Variants in TENM4 observed in about 807,000 individuals in gnomAD.
TENM4 encodes the protein teneurin-4.
A neutral mutation model predicts 243.3 loss-of-function variants in TENM4; 82 were observed. The ratio of observed to expected loss-of-function variants is 0.34; its 90% CI spans 0.28 to 0.40. TENM4 has a LOEUF of 0.40. TENM4 is among the 10% of genes least tolerant of loss of function. The pLI, the probability that TENM4 is intolerant of heterozygous loss-of-function variation, is 1.00. For missense variants in TENM4, 3,138 were observed against 3,673.3 expected (o/e 0.85, Z 3.77); for synonymous variants, 1,412 against 1,456.3 (o/e 0.97, Z 0.69).
At chr11:79,139,030 T>A (rs1427547218) in intron 4 of TENM4, among the ~76,000 whole-genome samples, 2 of 35,268 alleles carry the variant, frequency 5.7e-5, no homozygotes, top group African/African-American at 1.8e-4. Flanking sequence ...AAATATATAT[T>A]ATATTTCTAT....
At chr11:79,270,295 G>T (rs1855947952) in intron 2 of TENM4, among the ~76,000 whole-genome samples, 1 of 152,180 alleles carries the variant, frequency 6.6e-6, no homozygotes, top group African/African-American at 2.4e-5. Context: ...CATCCAAAAT[G>T]ATCCCCAGTG....
At chr11:79,308,427 G>A (rs940299810) in intron 1 of TENM4, among the ~76,000 whole-genome samples, 5 of 152,054 alleles carry the variant, frequency 3.3e-5, no homozygotes, top group Admixed American at 1.3e-4. Context: ...AGGTAGTGAT[G>A]AGTGTAAGTG....
chr11:79,297,121 G>A lies in TENM4; in HGVS notation c.-265+367C>T, dbSNP rs80028888. ...TAGTCCAGAGCTCTCTGTTCTTGAC[G>A]TACCAAACAGTTGGGTCTATTGAAG... On this transcript the variant is annotated intron_variant, in intron 2 of 33. Coordinates refer to ENST00000278550, the MANE Select transcript of TENM4 (RefSeq NM_001098816.3). Among the ~76,000 whole-genome samples the A allele has an allele frequency of 3.7e-3, 560 of 152,304 alleles. 5 individuals carry two copies. The highest frequency in any genetic ancestry group is 0.013 in the African/African-American group (536 of 41,568).
chr11:79,246,406 G>A (rs1855515643), intron 2 of TENM4, among the ~76,000 whole-genome samples: 1 of 152,224 alleles, frequency 6.6e-6, no homozygotes, highest in Admixed American at 6.5e-5. Context: ...GAGATACCAG[G>A]CCTATGAACC....
intron 26 of TENM4, 64 bp downstream of exon 26, chr11:78,712,418 T>C: frequency 2.0e-6 from 3 of 1,527,164 alleles, no homozygotes; most frequent in Non-Finnish European, 2.7e-6. Context: ...ATCATGCATG[T>C]TTTTCTGAAA....
At chr11:79,153,618 G>T (rs955887963) in intron 3 of TENM4, among the ~76,000 whole-genome samples, 3 of 152,204 alleles carry the variant, frequency 2.0e-5, no homozygotes, top group Non-Finnish European at 2.9e-5. Context: ...GCCAGGCAGT[G>T]TGGGAAACCG....
chr11:79,362,317 A>G (rs931178963), intron 1 of TENM4, among the ~76,000 whole-genome samples: 1 of 152,228 alleles, frequency 6.6e-6, no homozygotes, highest in Non-Finnish European at 1.5e-5. Context: ...CAGAGGGGGA[A>G]ATAATACCTG....
chr11:79,365,699 A>T (rs773237344), intron 1 of TENM4, among the ~76,000 whole-genome samples: 28 of 152,188 alleles, frequency 1.8e-4, no homozygotes, highest in Non-Finnish European at 3.2e-4. Flanking sequence ...GTGTTCTACC[A>T]TGACAGCAAC....
At chr11:78,941,609 G>T (rs868242810) in intron 6 of TENM4, among the ~76,000 whole-genome samples, 4 of 152,174 alleles carry the variant, frequency 2.6e-5, no homozygotes, top group Non-Finnish European at 5.9e-5. Flanking sequence ...GGTGGGGTTG[G>T]GGGGGTGTCC....
chr11:79,364,603 A>G (rs1857645233), intron 1 of TENM4, among the ~76,000 whole-genome samples: 1 of 152,266 alleles, frequency 6.6e-6, no homozygotes, highest in Non-Finnish European at 1.5e-5. Context: ...AATAATGAGC[A>G]CTTATTAAAC....
At chr11:79,070,821 G>T (rs1860395723) in intron 4 of TENM4, among the ~76,000 whole-genome samples, 1 of 152,154 alleles carries the variant, frequency 6.6e-6, no homozygotes, top group Non-Finnish European at 1.5e-5. Flanking sequence ...GATCTGTTTG[G>T]CTCTAAAGCC....
At chr11:79,364,301 A>AC (rs927309905) in intron 1 of TENM4, among the ~76,000 whole-genome samples, 1 of 151,668 alleles carries the variant, frequency 6.6e-6, no homozygotes, top group Non-Finnish European at 1.5e-5. Flanking sequence ...AAATCTCAGC[A>AC]CCCCCCGGCC....
intron 1 of TENM4, among the ~76,000 whole-genome samples, chr11:79,439,663 CCACA>C (rs141828517): frequency 0.082 from 12,069 of 146,752 alleles, 521 homozygotes; most frequent in East Asian, 0.12. Context: ...GTGTGTGTGT[CCACA>C]CACACACACA....
chr11:78,878,917 T>C (rs781683825), intron 9 of TENM4, among the ~76,000 whole-genome samples: 17 of 152,240 alleles, frequency 1.1e-4, no homozygotes, highest in Non-Finnish European at 1.6e-4. Context: ...GATACAGTAA[T>C]AGCACAAATA....
At chr11:78,801,512 T>C (rs541591843) in intron 15 of TENM4, among the ~76,000 whole-genome samples, 183 of 152,300 alleles carry the variant, frequency 1.2e-3, no homozygotes, top group Non-Finnish European at 2.3e-3. Context: ...TAAACACTTG[T>C]ATAAAATCTG....
chr11:79,164,949 A>ATG (rs1862877478), intron 3 of TENM4, among the ~76,000 whole-genome samples: 1 of 57,396 alleles, frequency 1.7e-5, no homozygotes, highest in East Asian at 7.7e-4. Context: ...GACTAATACT[A>ATG]TATATATATG....
chr11:78,904,226 G>A (rs1259508578), intron 6 of TENM4, among the ~76,000 whole-genome samples: 1 of 151,804 alleles, frequency 6.6e-6, no homozygotes. Context: ...CGGGCGTGGT[G>A]GCGGGCGCCT....
chr11:79,071,939 G>A (rs562566725), intron 4 of TENM4, among the ~76,000 whole-genome samples: 4 of 152,220 alleles, frequency 2.6e-5, no homozygotes, highest in East Asian at 1.9e-4. Flanking sequence ...TTTGGTTCCC[G>A]ATTCTCAAAA....
intron 6 of TENM4, among the ~76,000 whole-genome samples, chr11:79,060,381 G>A (rs1591250221): frequency 1.3e-5 from 2 of 152,194 alleles, no homozygotes; most frequent in South Asian, 2.1e-4. Flanking sequence ...TGTCTTTAAT[G>A]GACCCCATAA....
Sources: allele counts gnomAD v4.1 joint callset (sites outside exome capture counted in the v4.1 genomes callset), GRCh38; gene constraint gnomAD v4.1.1; transcripts MANE v1.5; gene names NCBI Gene and HGNC (gene_info 2026-07-23, HGNC 2026-07-21).